MOB4: variants seen among roughly 807,000 people sequenced by gnomAD.
The protein encoded by MOB4 is MOB family member 4, phocein.
In MOB4, 4 loss-of-function variants were observed where a neutral mutation model predicts 32.2. That is an observed-to-expected ratio of 0.12 (90% CI 0.06 to 0.28). The LOEUF is 0.28. Ranked by LOEUF, MOB4 falls within the 10% of genes least tolerant of loss-of-function variation. MOB4 has a pLI of 1.00. For missense variants in MOB4, 158 were observed against 271.2 expected, an observed-to-expected ratio of 0.58 and a Z score of 2.93; for synonymous variants, 88 against 88.1, an observed-to-expected ratio of 1.00 and a Z score of 0.01.
At chr2:197,538,549 A>G (rs2086842979) in intron 3 of MOB4, among the ~76,000 whole-genome samples, 1 of 152,110 alleles carries the variant, frequency 6.6e-6, no homozygotes, top group Non-Finnish European at 1.5e-5. Flanking sequence ...GATTAGGAAA[A>G]AGTACTCCTT....
intron 2 of MOB4, among the ~76,000 whole-genome samples, chr2:197,525,286 T>C (rs1054868677): frequency 6.8e-6 from 1 of 146,070 alleles, no homozygotes. Flanking sequence ...GCAGTGAGCC[T>C]GCAGTGAGCC....
chr2:197,551,119 A>C lies in MOB4; in HGVS notation c.*473A>C, dbSNP rs2087090638. 1 of 152,358 alleles carries C rather than the reference A, an allele frequency of 6.6e-6. No homozygotes were observed. Among genetic ancestry groups the C allele is most frequent in the African/African-American group, 2.4e-5 (1 of 41,468 alleles). 9.4% of individuals were successfully genotyped at this position (152,358 alleles called of 1,614,324 possible). On this transcript the variant is annotated 3_prime_UTR_variant, in exon 8 of 8. Coordinates refer to ENST00000323303, the MANE Select transcript of MOB4 (RefSeq NM_015387.5). ...TGTTAACTTTCCCCAATTGAGATAAAAGTGTTTTAAAATTCTGTTTATAGT... is the reference window on the plus strand; with the variant it reads ...TGTTAACTTTCCCCAATTGAGATAACAGTGTTTTAAAATTCTGTTTATAGT...
rs143905265 is a variant in MOB4 at position 197,536,052 on chromosome 2, G to A, written c.224+422G>A. 3.4e-3 allele frequency among the ~76,000 whole-genome samples: 508 copies of A among 151,614 alleles called. 5 individuals are homozygous for A. The highest frequency in any genetic ancestry group is 4.7e-3 in the Non-Finnish European group (316 of 67,822). On this transcript the variant is annotated intron_variant, in intron 3 of 7. Transcript: ENST00000323303. Reference sequence around the variant, plus strand: ...TAGCTGGGACTACAGGTGTGTGCCAGCATGCCTCACTAATTTTTTAATTTT... The same window carrying A: ...TAGCTGGGACTACAGGTGTGTGCCAACATGCCTCACTAATTTTTTAATTTT...
intron 5 of MOB4, among the ~76,000 whole-genome samples, chr2:197,544,618 T>G (rs2086960138): frequency 1.3e-5 from 2 of 152,008 alleles, no homozygotes; most frequent in African/African-American, 2.4e-5. Flanking sequence ...CCGGGCGCTG[T>G]GGCGTGTGCC....
Position 197,523,648 on chromosome 2 carries a change from T to A in MOB4, c.85T>A (p.Ser29Thr). Residue 29 changes from serine (S) to threonine (T), a missense_variant, in exon 2 of 8, where the codon TCC (serine) becomes ACC (threonine). Ser to Thr is a moderately conservative substitution (Grantham distance 58). Coordinates refer to ENST00000323303, the MANE Select transcript of MOB4 (RefSeq NM_015387.5). ...AQDFYNWPDE[S>T]FDEMDSTLAV... Reference sequence around the variant, plus strand: ...GGATTTCTATAATTGGCCTGATGAATCCTTTGATGAAATGGACAGTACACT... The same window carrying A: ...GGATTTCTATAATTGGCCTGATGAAACCTTTGATGAAATGGACAGTACACT... 5 of 1,544,882 alleles carry A rather than the reference T, an allele frequency of 3.2e-6. No individual in the cohort carries two copies. The highest frequency in any genetic ancestry group is 4.5e-6 in the Non-Finnish European group (5 of 1,123,118).
intron 5 of MOB4, among the ~76,000 whole-genome samples, chr2:197,547,822 A>G (rs979066220): frequency 3.3e-5 from 5 of 152,174 alleles, no homozygotes; most frequent in Admixed American, 6.6e-5. Context: ...CTGAGTTGCC[A>G]TGAGACAGTG....
intron 5 of MOB4, among the ~76,000 whole-genome samples, chr2:197,547,071 C>T (rs1355349158): frequency 6.7e-6 from 1 of 148,156 alleles, no homozygotes. Flanking sequence ...CATAGTGAGA[C>T]CTTCTTTCTT....
rs778205619 is a variant in MOB4, at chr2:197,516,103, G to A, written c.17G>A (p.Gly6Glu). The part of the protein sequence containing the change: MVMAE[G>E]TAVLRRNRPG... ...GCTGGCACTATGGTCATGGCGGAGG[G>A]GACGGCAGTGCTGAGGCGGAACAGG... Residue 6 changes from glycine (G) to glutamate (E), a missense_variant, in exon 1 of 8, where the codon GGG becomes GAG. By Grantham distance (98) the Gly-to-Glu change is moderately conservative (BLOSUM62 -2). Transcript: ENST00000323303. 2.5e-6 allele frequency: 4 copies of A among 1,602,114 alleles called. No homozygotes were observed. In the African/African-American group the frequency reaches 4.0e-5, roughly 16 times the overall value.
At chr2:197,519,401 A>G (rs1483052738) in intron 1 of MOB4, among the ~76,000 whole-genome samples, 1 of 152,198 alleles carries the variant, frequency 6.6e-6, no homozygotes, top group Admixed American at 6.5e-5. Context: ...CCCCCACCCC[A>G]TACCAAAATC....
rs1559311718 is a variant in MOB4, at chr2:197,516,656, T to C, written c.60+510T>C. 1.1e-5 allele frequency: 5 copies of C among 471,872 alleles called. 1 individual carries two copies. The highest frequency in any genetic ancestry group is 7.7e-5 in the South Asian group (5 of 64,580). 29.2% of individuals were successfully genotyped at this position (471,872 alleles called of 1,614,324 possible). The stretch of plus-strand genomic sequence containing the variant: ...GTCTAGCCGGATCCGGGTGCCGATA[T>C]TCTCCTCCTTGTTTCCCTTTGACCA... On this transcript the variant is annotated intron_variant, in intron 1 of 7. Transcript: ENST00000323303.
intron 1 of MOB4, among the ~76,000 whole-genome samples, chr2:197,518,332 C>T (rs2086452306): frequency 6.6e-6 from 1 of 151,662 alleles, no homozygotes; most frequent in African/African-American, 2.4e-5. Context: ...TGCAATGGTG[C>T]GATCTCGGCT....
chr2:197,534,235 G>A (rs1160573574), intron 2 of MOB4, among the ~76,000 whole-genome samples: 1 of 152,132 alleles, frequency 6.6e-6, no homozygotes, highest in Non-Finnish European at 1.5e-5. Context: ...GGCTCAAGAA[G>A]GCCTTATAGT....
intron 4 of MOB4, 42 bp downstream of exon 4, chr2:197,540,195 AT>A (rs566383635): frequency 8.0e-5 from 126 of 1,580,420 alleles, no homozygotes; most frequent in African/African-American, 9.5e-5. Flanking sequence ...GAAAGTTCTG[AT>A]TTTTTTTTCT....
intron 1 of MOB4, 58 bp downstream of exon 1, chr2:197,516,204 G>A: frequency 1.9e-6 from 3 of 1,547,810 alleles, no homozygotes; most frequent in Non-Finnish European, 2.6e-6. Flanking sequence ...GCTGCGCCCG[G>A]AAGCTGGCCG....
intron 5 of MOB4, among the ~76,000 whole-genome samples, chr2:197,543,544 C>G (rs1350331322): frequency 6.6e-6 from 1 of 151,562 alleles, no homozygotes; most frequent in Non-Finnish European, 1.5e-5. Flanking sequence ...AGTTCTGATA[C>G]ATGCTACAAC....
At chr2:197,520,174 T>C (rs2086489373) in intron 1 of MOB4, among the ~76,000 whole-genome samples, 1 of 152,018 alleles carries the variant, frequency 6.6e-6, no homozygotes, top group Non-Finnish European at 1.5e-5. Context: ...AAGTATGCCT[T>C]GCACTTAAAC....
At chr2:197,534,362 A>G (rs775915996) in intron 2 of MOB4, among the ~76,000 whole-genome samples, 1 of 152,156 alleles carries the variant, frequency 6.6e-6, no homozygotes, top group Non-Finnish European at 1.5e-5. Flanking sequence ...ATGTTATTAC[A>G]TTTTAAAAAT....
chr2:197,524,541 A>G, intron 2 of MOB4, among the ~76,000 whole-genome samples: 1 of 151,586 alleles, frequency 6.6e-6, no homozygotes, highest in African/African-American at 2.4e-5. Flanking sequence ...AAAAAAAAAA[A>G]AAAAAACAAA....
chr2:197,516,130 C>A lies in MOB4; in HGVS notation c.44C>A (p.Pro15Gln). ...EGTAVLRRNR[P>Q]GTKAQDFYNW... ...ACGGCAGTGCTGAGGCGGAACAGGCCGGGCACCAAGGCGCAGGTACCATGT... is the reference window on the plus strand; with the variant it reads ...ACGGCAGTGCTGAGGCGGAACAGGCAGGGCACCAAGGCGCAGGTACCATGT... Residue 15 changes from proline (P) to glutamine (Q), a missense_variant, in exon 1 of 8, where the codon CCG (proline) becomes CAG (glutamine). Around this residue, in one of 6 missense-constraint regions of MOB4, gnomAD observed 41 missense variants for 26.4 expected, o/e 1.55. Coordinates refer to ENST00000323303, the MANE Select transcript of MOB4 (RefSeq NM_015387.5). 6.2e-7 allele frequency: 1 copy of A among 1,604,428 alleles called. No homozygotes were observed. Among genetic ancestry groups the A allele is most frequent in the Non-Finnish European group, 8.5e-7 (1 of 1,176,592 alleles).
Sources: allele counts gnomAD v4.1 joint callset (sites outside exome capture counted in the v4.1 genomes callset), GRCh38; gene constraint gnomAD v4.1.1; regional missense constraint gnomAD v4.1.1; transcripts MANE v1.5; gene names NCBI Gene and HGNC (gene_info 2026-07-23, HGNC 2026-07-21).